Variants in RASGRF1 observed in about 807,000 individuals in gnomAD.
The protein encoded by RASGRF1 is ras-specific guanine nucleotide-releasing factor 1.
RASGRF1 carries 40 observed loss-of-function variants against 138.7 expected under a neutral mutation model. The observed-to-expected ratio is 0.29, with a 90% CI of 0.22 to 0.38. The LOEUF (loss-of-function observed/expected upper bound fraction) is 0.38, where lower values mean the gene tolerates loss of function less well. RASGRF1 is among the 10% of genes least tolerant of loss of function. RASGRF1 has a pLI of 1.00. For missense variants in RASGRF1, 1,108 were observed against 1,650.4 expected (o/e 0.67, Z 5.69); for synonymous variants, 614 against 663.2 (o/e 0.93, Z 1.14).
rs2057357274 is a variant in RASGRF1, at chr15:79,046,638, C to T, written c.878+108G>A. On this transcript the variant is annotated intron_variant, in intron 5 of 26. Transcript: ENST00000558480. This position sits in a 1 kb window ranked among gnomAD's most constrained non-coding sequence, Gnocchi z 5.3. Reference sequence around the variant, plus strand: ...CTTGGGCACTTCTGTCCTCTCTGGGCCTCATCTGCACTCGGTGGGAACCAC... The same window carrying T: ...CTTGGGCACTTCTGTCCTCTCTGGGTCTCATCTGCACTCGGTGGGAACCAC... 4.6e-6 allele frequency: 7 copies of T among 1,529,816 alleles called. No homozygotes were observed. Among genetic ancestry groups the T allele is most frequent in the South Asian group, 1.2e-5 (1 of 80,488 alleles). 94.8% of individuals were successfully genotyped at this position (1,529,816 alleles called of 1,614,324 possible).
rs1473810038 is a variant in RASGRF1, at chr15:79,006,269, G to A, written c.1992C>T (p.Ser664=). The A allele has an allele frequency of 6.2e-7, 1 of 1,614,218 alleles. No homozygotes were observed. The highest frequency in any genetic ancestry group is 8.5e-7 in the Non-Finnish European group (1 of 1,180,044). Residue 664 remains serine, a synonymous_variant, in exon 14 of 27, where the codon TCC becomes TCT. Coordinates refer to ENST00000558480, the MANE Select transcript of RASGRF1 (RefSeq NM_001145648.3). This position sits in a 1 kb window ranked among gnomAD's most constrained non-coding sequence, Gnocchi z 4.0. ...CGATGGCGGTGGTGAAGACGCGGTA[G>A]GAGTGCAGGAAGGTGTTGAGGAAGT... ...SIDFLNTFLH[S]YRVFTTAIVV...
chr15:79,012,446 C>T, intron 13 of RASGRF1: 1 of 1,334,540 alleles, frequency 7.5e-7, no homozygotes, highest in Middle Eastern at 1.8e-4. Context: ...ATGTCTCTCT[C>T]TCTCTCACTA....
intron 24 of RASGRF1, among the ~76,000 whole-genome samples, chr15:78,976,735 C>A (rs144586347): frequency 1.1e-3 from 173 of 152,350 alleles, no homozygotes; most frequent in Admixed American, 2.0e-3. Context: ...GGGCTTCCTG[C>A]AGGCAAGACA....
In RASGRF1 at chr15:79,046,988, G is replaced by A. The variant is rs149718603; in HGVS notation, c.636C>T (p.Phe212=). 6.2e-7 allele frequency: 1 copy of A among 1,612,234 alleles called. No individual in the cohort carries two copies. The highest frequency in any genetic ancestry group is 8.5e-7 in the Non-Finnish European group (1 of 1,179,460). ...DIKKIKKVQS[F]LRGWLCRRKW... ...TCCGCCGGCACAGCCAGCCCCGCAG[G>A]AAGCTCTGCACCTGAGCAGCAAGAC... Residue 212 remains phenylalanine (F), a synonymous_variant, in exon 5 of 27, where the codon TTC becomes TTT. Coordinates refer to ENST00000558480, the MANE Select transcript of RASGRF1 (RefSeq NM_001145648.3). This position sits in a 1 kb window ranked among gnomAD's most constrained non-coding sequence, Gnocchi z 5.3.
chr15:79,075,190 A>T (rs1464539857), intron 1 of RASGRF1, among the ~76,000 whole-genome samples: 1 of 152,204 alleles, frequency 6.6e-6, no homozygotes, highest in East Asian at 1.9e-4. Flanking sequence ...CTGGGGCTTC[A>T]GTAGGAAAAG....
rs2056434817 is a variant in RASGRF1 at position 78,998,081 on chromosome 15, A to G, written c.2966+15T>C. On this transcript the variant is annotated intron_variant, in intron 19 of 26. Transcript: ENST00000558480. The stretch of plus-strand genomic sequence containing the variant: ...AGCAGGCAGTTCTGAGCCAGGAACC[A>G]GGTACTGCCTTTACCTGATGATGTT... The G allele has an allele frequency of 1.2e-6, 2 of 1,602,938 alleles. No homozygotes were observed. The highest frequency in any genetic ancestry group is 2.2e-5 in the East Asian group (1 of 44,832).
At chr15:78,967,132 TA>T (rs1320988301) in intron 26 of RASGRF1, among the ~76,000 whole-genome samples, 1 of 151,360 alleles carries the variant, frequency 6.6e-6, no homozygotes, top group African/African-American at 2.4e-5. Flanking sequence ...TATAAAAAAA[TA>T]AAAAATTAGC....
intron 5 of RASGRF1, among the ~76,000 whole-genome samples, chr15:79,043,698 G>T (rs919131642): frequency 3.3e-5 from 5 of 152,232 alleles, no homozygotes; most frequent in Non-Finnish European, 7.3e-5. Context: ...TACCTGGGGA[G>T]ATGGGGATGG....
chr15:79,088,656 T>TGGCTGG (rs1312196534), intron 1 of RASGRF1, among the ~76,000 whole-genome samples: 3 of 152,098 alleles, frequency 2.0e-5, no homozygotes, highest in African/African-American at 7.2e-5. Context: ...AGGGGGGATC[T>TGGCTGG]GGCTGGGGCT....
intron 1 of RASGRF1, among the ~76,000 whole-genome samples, chr15:79,071,127 T>C (rs1428076343): frequency 6.6e-6 from 1 of 152,222 alleles, no homozygotes; most frequent in East Asian, 1.9e-4. Context: ...GGCTTGGACA[T>C]GCTTGAGCCT....
At chr15:79,060,791 T>C (rs1259886054) in intron 2 of RASGRF1, among the ~76,000 whole-genome samples, 1 of 152,238 alleles carries the variant, frequency 6.6e-6, no homozygotes, top group East Asian at 1.9e-4. Flanking sequence ...AGCCAGTCTT[T>C]AATTTAGTGA....
At chr15:79,033,576 C>CTTTTTTTTTTT (rs2057172942) in intron 6 of RASGRF1, among the ~76,000 whole-genome samples, 1 of 80,618 alleles carries the variant, frequency 1.2e-5, no homozygotes, top group Non-Finnish European at 2.5e-5. Flanking sequence ...CTTCTTTTTT[C>CTTTTTTTTTTT]TTTTCTTTTT....
At chr15:79,014,922 AAC>A (rs141376738) in intron 13 of RASGRF1, among the ~76,000 whole-genome samples, 46,944 of 126,122 alleles carry the variant, frequency 0.37, 8,494 homozygotes, top group East Asian at 0.66. Context: ...GTCTCAAAAA[AAC>A]AAAAAACAAA....
intron 14 of RASGRF1, chr15:79,005,561 A>G (rs1158076893): frequency 2.0e-6 from 2 of 985,896 alleles, no homozygotes; most frequent in South Asian, 4.7e-5. Context: ...ACTGCTGGAC[A>G]GCCTTGGCCA....
chr15:79,066,240 A>G (rs1042700609), intron 1 of RASGRF1, among the ~76,000 whole-genome samples: 3 of 152,124 alleles, frequency 2.0e-5, no homozygotes, highest in African/African-American at 7.2e-5. Context: ...TCTGTGTTAC[A>G]GCTGATGAAC....
At chr15:78,978,797 C>T (rs2055944394) in intron 24 of RASGRF1, 12 of 1,141,652 alleles carry the variant, frequency 1.1e-5, no homozygotes, top group Non-Finnish European at 1.3e-5. Flanking sequence ...GTCCCTCCCT[C>T]CTCTGTGTGC....
Position 79,053,738 on chromosome 15 carries a change from C to T in RASGRF1, c.532-4150G>A, listed in dbSNP as rs117234104. On this transcript the variant is annotated intron_variant, in intron 3 of 26. Coordinates refer to ENST00000558480, the MANE Select transcript of RASGRF1 (RefSeq NM_001145648.3). ...GGGGTGGGTGCCACAGGATGGAGGG[C>T]ACAGAGGGAGAAGAGACGGGCTGGC... Among the ~76,000 whole-genome samples, 111 of 152,304 alleles carry T rather than the reference C, an allele frequency of 7.3e-4. 1 individual carries two copies. The East Asian group carries it at 0.019, about 26-fold the overall frequency.
At chr15:79,024,896 AC>A (rs1238061249) in intron 10 of RASGRF1, among the ~76,000 whole-genome samples, 1 of 151,948 alleles carries the variant, frequency 6.6e-6, no homozygotes, top group Non-Finnish European at 1.5e-5. Context: ...CACACCACGC[AC>A]ACATACACAC....
At chr15:79,057,714 G>A (rs997453707) in intron 3 of RASGRF1, among the ~76,000 whole-genome samples, 1 of 152,194 alleles carries the variant, frequency 6.6e-6, no homozygotes, top group South Asian at 2.1e-4. Flanking sequence ...AAGATCTGGG[G>A]TGGGGCCTGA....
Sources: gnomAD v4.1 joint callset for allele counts (sites outside exome capture counted in the v4.1 genomes callset) on GRCh38, gnomAD v4.1.1 for gene constraint, Gnocchi (gnomAD v3.1) non-coding constraint, MANE v1.5 for transcripts, NCBI Gene and HGNC (gene_info 2026-07-23, HGNC 2026-07-21) for gene names.